Variants in UBA7 observed in about 807,000 individuals in gnomAD.
UBA7 encodes the protein ubiquitin like modifier activating enzyme 7.
A neutral mutation model predicts 113.0 loss-of-function variants in UBA7; 88 were observed. The ratio of observed to expected loss-of-function variants is 0.78; its 90% confidence interval spans 0.66 to 0.93. UBA7 has a LOEUF of 0.93. UBA7 is among the 40% of genes least tolerant of loss of function. The pLI is 0.00. For synonymous variants in UBA7, 459 were observed against 513.0 expected, an observed-to-expected ratio of 0.89 and a Z score of 1.42; for missense variants, 1,092 against 1,266.4, an observed-to-expected ratio of 0.86 and a Z score of 2.09.
Position 49,807,722 on chromosome 3 carries a change from T to C in UBA7, c.2715+14A>G. Reference sequence around the variant, plus strand: ...AGGCCTAGTAGGGCTAAGGGTGGGGTATCATGGGCTCACCGTCTGGATGGC... The same window carrying C: ...AGGCCTAGTAGGGCTAAGGGTGGGGCATCATGGGCTCACCGTCTGGATGGC... On this transcript the variant is annotated intron_variant, in intron 21 of 23. Coordinates refer to ENST00000333486, the MANE Select transcript of UBA7 (RefSeq NM_003335.3). This position sits in a 1 kb window ranked among gnomAD's most constrained non-coding sequence, Gnocchi z 4.0. The C allele has an allele frequency of 6.3e-7, 1 of 1,591,380 alleles. No individual in the cohort carries two copies. The highest frequency in any genetic ancestry group is 8.6e-7 in the Non-Finnish European group (1 of 1,168,196).
chr3:49,805,510 G>A, intron 23 of UBA7, 73 bp from the exon 24 acceptor site: 1 of 1,456,626 alleles, frequency 6.9e-7, no homozygotes, highest in Non-Finnish European at 9.6e-7. Context: ...GCATGGACTA[G>A]AGAGGGTGCT....
In UBA7 at chr3:49,807,818, C is replaced by A; in HGVS notation, c.2633G>T (p.Arg878Leu). ...LYKVVSGPRP[R>L]SAFRHSYLHL... Reference sequence around the variant, plus strand: ...TAGGTAGCTGTGGCGAAAGGCACTACGAGGCCGTGGCCCACTCACCACCTT... The same window carrying A: ...TAGGTAGCTGTGGCGAAAGGCACTAAGAGGCCGTGGCCCACTCACCACCTT... The change falls in exon 21 of 24, where the codon CGT becomes CTT. Residue 878 changes from arginine to leucine, a missense_variant. Transcript: ENST00000333486. This position sits in a 1 kb window ranked among gnomAD's most constrained non-coding sequence, Gnocchi z 4.0. 1 of 1,614,128 alleles carries A rather than the reference C, an allele frequency of 6.2e-7. No individual in the cohort carries two copies. Among genetic ancestry groups the A allele is most frequent in the Middle Eastern group, 1.6e-4 (1 of 6,062 alleles).
Position 49,810,213 on chromosome 3 carries a change from G to T in UBA7, c.1634-30C>A, listed in dbSNP as rs775769899. 9.3e-6 allele frequency: 15 copies of T among 1,612,664 alleles called. No homozygotes were observed. The highest frequency in any genetic ancestry group is 1.3e-5 in the Non-Finnish European group (15 of 1,179,158). ...CAAGGGAGCAGTGGGTCAGAAGTGG[G>T]ACTGGCACAGCTGTGGGCAAGGGAC... On this transcript the variant is annotated intron_variant, in intron 13 of 23. Coordinates refer to ENST00000333486, the MANE Select transcript of UBA7 (RefSeq NM_003335.3). The surrounding 1 kb of genome is among the most constrained non-coding windows in gnomAD (Gnocchi z 5.6).
At chr3:49,805,752 C>A in intron 23 of UBA7, 145 bp downstream of exon 23, 3 of 894,800 alleles carry the variant, frequency 3.4e-6, no homozygotes, top group Non-Finnish European at 5.1e-6. Flanking sequence ...CACCTCCAGC[C>A]TGTTTGCTGG....
At chr3:49,809,506 C>T (rs777964159) in intron 16 of UBA7, 36 bp downstream of exon 16, 47 of 1,613,718 alleles carry the variant, frequency 2.9e-5, no homozygotes, top group Non-Finnish European at 3.7e-5. Flanking sequence ...GTCTGGTCCC[C>T]CTGAGCCCCC....
rs954843384 is a variant in UBA7, at chr3:49,806,296, G to A, written c.2716-131C>T. ...GGAGCCAGGGGGTGGGGGGTGGGGG[G>A]GAGGTGGGATCTGGGCCCAGAGTCT... On this transcript the variant is annotated intron_variant, in intron 21 of 23. Coordinates refer to ENST00000333486, the MANE Select transcript of UBA7 (RefSeq NM_003335.3). 28 of 804,914 alleles carry A rather than the reference G, an allele frequency of 3.5e-5. No individual in the cohort carries two copies. The African/African-American group carries it at 4.7e-4, about 13-fold the overall frequency. 49.9% of individuals were successfully genotyped at this position (804,914 alleles called of 1,614,324 possible).
intron 5 of UBA7, 43 bp downstream of exon 5, chr3:49,812,605 C>T: frequency 1.9e-6 from 3 of 1,614,188 alleles, no homozygotes; most frequent in Non-Finnish European, 2.5e-6. Flanking sequence ...CCCTGGCAGC[C>T]TCTCCTTGGT....
At chr3:49,806,208 C>T in intron 21 of UBA7, 43 bp from the exon 22 acceptor site, 1 of 1,509,298 alleles carries the variant, frequency 6.6e-7, no homozygotes, top group Non-Finnish European at 9.0e-7. Context: ...CTTACCTCCC[C>T]CCAACCCCCA....
chr3:49,812,376 C>T (rs771905316), intron 6 of UBA7, 32 bp downstream of exon 6: 5 of 1,613,508 alleles, frequency 3.1e-6, no homozygotes, highest in Non-Finnish European at 4.2e-6. Context: ...GGCTTGGGCC[C>T]TGCACCTGGA....
intron 21 of UBA7, among the ~76,000 whole-genome samples, chr3:49,806,945 C>G (rs1269627860): frequency 1.3e-5 from 2 of 152,142 alleles, no homozygotes; most frequent in Non-Finnish European, 2.9e-5. Context: ...GGCTGCTCAG[C>G]AGAAACCCAG....
chr3:49,811,146 T>C, intron 9 of UBA7, 55 bp from the exon 10 acceptor site: 1 of 1,606,854 alleles, frequency 6.2e-7, no homozygotes, highest in Non-Finnish European at 8.5e-7. Flanking sequence ...CCCCCTCAGA[T>C]CCTGGCTGGA....
intron 23 of UBA7, 60 bp from the exon 24 acceptor site, chr3:49,805,497 C>T: frequency 6.6e-7 from 1 of 1,518,624 alleles, no homozygotes; most frequent in South Asian, 1.1e-5. Flanking sequence ...AGAAGGCAGC[C>T]TGGCATGGAC....
At chr3:49,811,509 C>T in intron 8 of UBA7, 54 bp from the exon 9 acceptor site, 3 of 1,546,224 alleles carry the variant, frequency 1.9e-6, no homozygotes, top group Non-Finnish European at 2.6e-6. Flanking sequence ...CTACTCCTGA[C>T]TCAAATCCTT....
In UBA7 at chr3:49,810,008, G is replaced by A; in HGVS notation, c.1809C>T (p.Tyr603=). 1 of 1,613,876 alleles carries A rather than the reference G, an allele frequency of 6.2e-7. No homozygotes were observed. The highest frequency in any genetic ancestry group is 8.5e-7 in the Non-Finnish European group (1 of 1,179,956). The change falls in exon 14 of 24, where the codon TAC becomes TAT. Residue 603 remains tyrosine (Y), a synonymous_variant. Coordinates refer to ENST00000333486, the MANE Select transcript of UBA7 (RefSeq NM_003335.3). The surrounding 1 kb of genome is among the most constrained non-coding windows in gnomAD (Gnocchi z 5.6). ...DAPYPVCTVR[Y]FPSTAEHTLQ... is the part of the protein sequence containing the mutation. ...GGGTGTGCTCGGCTGTGCTAGGGAAGTACCGCACGGTACAGACAGGGTAGG... is the reference window on the plus strand; with the variant it reads ...GGGTGTGCTCGGCTGTGCTAGGGAAATACCGCACGGTACAGACAGGGTAGG...
At position 49,812,526 on chromosome 3, in the gene UBA7, G is replaced by A. The variant is rs754256993; in HGVS notation, c.576C>T (p.Leu192=). The change falls in exon 6 of 24, where the codon CTC becomes CTT. Residue 192 remains leucine, a synonymous_variant. Transcript: ENST00000333486. ...GGGTATTGGCCCCTTTCCTCAGAGT[G>A]AGAATGCCAGGGGAGCCCTGGGTAG... is the stretch of plus-strand genomic sequence containing the variant. ...QHISQGSPGI[L]TLRKGANTHY... is the part of the protein sequence containing the mutation. The A allele has an allele frequency of 1.2e-6, 2 of 1,614,186 alleles. No individual in the cohort carries two copies. Among genetic ancestry groups the A allele is most frequent in the East Asian group, 4.5e-5 (2 of 44,876 alleles).
At position 49,812,101 on chromosome 3, in the gene UBA7, G is replaced by T; in HGVS notation, c.792+8C>A. On this transcript the variant is annotated splice_region_variant and intron_variant, in intron 7 of 23. Coordinates refer to ENST00000333486, the MANE Select transcript of UBA7 (RefSeq NM_003335.3). ...AAGCTCCCCTACCTCAGATGCACTT[G>T]CACTCACATGTCTCACAGTCTTGGG... 6.2e-7 allele frequency: 1 copy of T among 1,614,178 alleles called. No homozygotes were observed. The highest frequency in any genetic ancestry group is 1.1e-5 in the South Asian group (1 of 91,088).
Position 49,810,558 on chromosome 3 carries a change from T to C in UBA7, c.1426A>G (p.Asn476Asp). 1 of 1,614,122 alleles carries C rather than the reference T, an allele frequency of 6.2e-7. No individual in the cohort carries two copies. The highest frequency in any genetic ancestry group is 8.5e-7 in the Non-Finnish European group (1 of 1,180,012). The change falls in exon 12 of 24, where the codon AAT (asparagine) becomes GAT (aspartate). Residue 476 changes from asparagine (N) to aspartate (D), a missense_variant. Physicochemically the swap from Asn to Asp is conservative, Grantham distance 23. Around this residue, in one of 3 missense-constraint regions of UBA7, gnomAD observed 584 missense variants for 714.5 expected, o/e 0.82. Transcript: ENST00000333486. This position sits in a 1 kb window ranked among gnomAD's most constrained non-coding sequence, Gnocchi z 5.6. ...CTGAAGAGGAACTGACGGCTGAGATTGGAGCGCTCTATGTGGTCCATGTCA... is the reference window on the plus strand; with the variant it reads ...CTGAAGAGGAACTGACGGCTGAGATCGGAGCGCTCTATGTGGTCCATGTCA... ...VVDMDHIERS[N>D]LSRQFLFRSQ...
chr3:49,806,219 T>TC (rs1441367854), intron 21 of UBA7, 54 bp from the exon 22 acceptor site: 20 of 1,373,408 alleles, frequency 1.5e-5, no homozygotes, highest in Non-Finnish European at 1.9e-5. Context: ...CCAACCCCCA[T>TC]CCCAGTTACC....
Position 49,813,182 on chromosome 3 carries a change from G to A in UBA7, c.361-14C>T. 1 of 1,613,844 alleles carries A rather than the reference G, an allele frequency of 6.2e-7. No homozygotes were observed. The highest frequency in any genetic ancestry group is 8.5e-7 in the Non-Finnish European group (1 of 1,179,826). Reference sequence around the variant, plus strand: ...CAGCACCACCACCTGGGTGGACACAGTGATCAGCAGGGCCAAAACCATTGC... The same window carrying A: ...CAGCACCACCACCTGGGTGGACACAATGATCAGCAGGGCCAAAACCATTGC... On this transcript the variant is annotated splice_polypyrimidine_tract_variant and intron_variant, in intron 3 of 23. Coordinates refer to ENST00000333486, the MANE Select transcript of UBA7 (RefSeq NM_003335.3).
Sources: gnomAD v4.1 joint callset for allele counts (sites outside exome capture counted in the v4.1 genomes callset) on GRCh38, gnomAD v4.1.1 for gene constraint, gnomAD v4.1.1 regional missense constraint, Gnocchi (gnomAD v3.1) non-coding constraint, MANE v1.5 for transcripts, NCBI Gene and HGNC (gene_info 2026-07-23, HGNC 2026-07-21) for gene names.